The following CPQ variants were observed in gnomAD, a reference collection of about 807,000 sequenced individuals.
CPQ encodes the protein carboxypeptidase Q, also known as Ser-Met dipeptidase.
Under a neutral mutation model 45.7 loss-of-function variants are expected in CPQ, and 37 were observed. That is an observed-to-expected ratio of 0.81 (90% CI 0.62 to 1.07). CPQ has a LOEUF of 1.07. Ranked by LOEUF, CPQ falls within the 50% of genes least tolerant of loss-of-function variation. The pLI is 0.00. For synonymous variants in CPQ, 186 were observed against 205.8 expected, an observed-to-expected ratio of 0.90 and a Z score of 0.82; for missense variants, 537 against 572.9, an observed-to-expected ratio of 0.94 and a Z score of 0.64.
intron 1 of CPQ, among the ~76,000 whole-genome samples, chr8:96,744,154 C>T (rs998372443): frequency 6.6e-6 from 1 of 152,266 alleles, no homozygotes; most frequent in Admixed American, 6.5e-5. Context: ...ACCCTCTGAG[C>T]CAGGTGCGGG....
At chr8:97,088,784 T>G (rs1274685378) in intron 7 of CPQ, among the ~76,000 whole-genome samples, 1 of 152,156 alleles carries the variant, frequency 6.6e-6, no homozygotes, top group Non-Finnish European at 1.5e-5. Context: ...AGCATTATTT[T>G]TCATCAAACT....
At chr8:96,911,647 A>G (rs760321671) in intron 4 of CPQ, among the ~76,000 whole-genome samples, 1 of 152,192 alleles carries the variant, frequency 6.6e-6, no homozygotes, top group Non-Finnish European at 1.5e-5. Flanking sequence ...CCCACTCTAT[A>G]AAGCTTCCTG....
Position 96,785,302 on chromosome 8 carries a change from TG to T in CPQ, c.407del (p.Gly136AlafsTer18), listed in dbSNP as rs1472124524. 1 of 1,610,678 alleles carries T rather than the reference TG, an allele frequency of 6.2e-7. No individual in the cohort carries two copies. The highest frequency in any genetic ancestry group is 2.2e-5 in the East Asian group (1 of 44,758). On this transcript the variant is annotated frameshift_variant, in exon 2 of 8. Coordinates refer to ENST00000220763, the MANE Select transcript of CPQ (RefSeq NM_016134.4). LOFTEE classifies it high-confidence loss of function. ...TTCATAAGATAGCCATCCTGGGTCT[TG>T]GCAGCAGCATTGGGACTCCTCCAGA... ...RIHKIAILGLGSSIGTPPEGI... is the reference protein window; with the variant it reads ...RIHKIAILGLXSSIGTPPEGI...
At chr8:96,739,040 A>T (rs1439803165) in intron 1 of CPQ, among the ~76,000 whole-genome samples, 3 of 151,364 alleles carry the variant, frequency 2.0e-5, no homozygotes, top group Admixed American at 6.6e-5. Context: ...CGCCACACTG[A>T]CTTCCACAAT....
intron 1 of CPQ, among the ~76,000 whole-genome samples, chr8:96,663,714 A>G (rs1056659451): frequency 1.3e-5 from 2 of 152,186 alleles, no homozygotes; most frequent in African/African-American, 4.8e-5. Flanking sequence ...CATTTTTTTC[A>G]ACATCTTAAA....
intron 5 of CPQ, among the ~76,000 whole-genome samples, chr8:97,025,685 C>A (rs1809788138): frequency 6.6e-6 from 1 of 152,170 alleles, no homozygotes; most frequent in South Asian, 2.1e-4. Context: ...TAATTCCCTA[C>A]GTTTGACCTC....
intron 5 of CPQ, among the ~76,000 whole-genome samples, chr8:97,024,516 G>A (rs1205557052): frequency 6.6e-6 from 1 of 152,076 alleles, no homozygotes; most frequent in Non-Finnish European, 1.5e-5. Context: ...CTTCTTCAAG[G>A]TGATCTTCTG....
chr8:96,703,268 C>A (rs750910127), intron 1 of CPQ, among the ~76,000 whole-genome samples: 1 of 152,120 alleles, frequency 6.6e-6, no homozygotes, highest in Admixed American at 6.6e-5. Context: ...ATATGTCTTG[C>A]CACCTAAGTT....
intron 6 of CPQ, among the ~76,000 whole-genome samples, chr8:97,033,594 T>A (rs902571059): frequency 6.6e-6 from 1 of 152,188 alleles, no homozygotes; most frequent in Admixed American, 6.5e-5. Context: ...AGGAAGATAT[T>A]ATTGTAATGA....
intron 2 of CPQ, among the ~76,000 whole-genome samples, chr8:96,826,324 C>T (rs1285647780): frequency 6.6e-6 from 1 of 152,022 alleles, no homozygotes; most frequent in Non-Finnish European, 1.5e-5. Flanking sequence ...TATCTTCTAT[C>T]AGTCAGCCAT....
chr8:96,699,332 A>G, intron 1 of CPQ, among the ~76,000 whole-genome samples: 1 of 152,180 alleles, frequency 6.6e-6, no homozygotes, highest in Non-Finnish European at 1.5e-5. Flanking sequence ...CCAGAGGCTG[A>G]GAAAGGTAGT....
intron 7 of CPQ, among the ~76,000 whole-genome samples, chr8:97,135,962 C>T (rs1173046734): frequency 6.6e-6 from 1 of 152,114 alleles, no homozygotes; most frequent in African/African-American, 2.4e-5. Flanking sequence ...CTTTGAGAAT[C>T]TTTGTGTATG....
intron 3 of CPQ, among the ~76,000 whole-genome samples, chr8:96,872,157 A>T (rs1812078842): frequency 6.6e-6 from 1 of 151,966 alleles, no homozygotes; most frequent in African/African-American, 2.4e-5. Context: ...ACATAATGAG[A>T]TATCACAGGG....
intron 6 of CPQ, among the ~76,000 whole-genome samples, chr8:97,062,003 C>T (rs1485160430): frequency 6.6e-6 from 1 of 152,106 alleles, no homozygotes; most frequent in Admixed American, 6.6e-5. Flanking sequence ...TAGCCTAGGG[C>T]ACCTTTGAAA....
At chr8:96,774,388 A>G (rs1810582039) in intron 1 of CPQ, among the ~76,000 whole-genome samples, 2 of 152,200 alleles carry the variant, frequency 1.3e-5, no homozygotes, top group Admixed American at 6.6e-5. Context: ...TTTTAAGCCA[A>G]GGTGTCCTTT....
intron 1 of CPQ, among the ~76,000 whole-genome samples, chr8:96,725,245 A>G (rs1260938250): frequency 3.9e-5 from 6 of 152,232 alleles, no homozygotes. Context: ...ACCTAGTTAA[A>G]CTAAAGAGCT....
At chr8:97,036,649 T>C (rs1810012037) in intron 6 of CPQ, among the ~76,000 whole-genome samples, 1 of 152,230 alleles carries the variant, frequency 6.6e-6, no homozygotes, top group Non-Finnish European at 1.5e-5. Flanking sequence ...TCATTTCTCA[T>C]GTCCTGAAAT....
intron 7 of CPQ, among the ~76,000 whole-genome samples, chr8:97,102,202 C>T (rs1811324805): frequency 6.6e-6 from 1 of 152,094 alleles, no homozygotes. Flanking sequence ...GGATGTATTT[C>T]TTCCTGGGTT....
At chr8:96,844,265 T>A (rs903399044) in intron 3 of CPQ, among the ~76,000 whole-genome samples, 2 of 152,248 alleles carry the variant, frequency 1.3e-5, no homozygotes, top group African/African-American at 2.4e-5. Context: ...CTATTACTTA[T>A]GCCTTTTTTA....
Sources: gnomAD v4.1 joint callset for allele counts (sites outside exome capture counted in the v4.1 genomes callset) on GRCh38, gnomAD v4.1.1 for gene constraint, MANE v1.5 for transcripts, NCBI Gene and HGNC (gene_info 2026-07-23, HGNC 2026-07-21) for gene names.